Variants in USP15 observed in about 807,000 individuals in gnomAD.
USP15 encodes the protein ubiquitin carboxyl-terminal hydrolase 15.
Under a neutral mutation model 127.1 loss-of-function variants are expected in USP15, and 18 were observed. The observed-to-expected ratio is 0.14, with a 90% CI of 0.10 to 0.21. The LOEUF is 0.21. Ranked by LOEUF, USP15 falls within the 10% of genes least tolerant of loss-of-function variation. The pLI, the probability that USP15 is intolerant of heterozygous loss-of-function variation, is 1.00. For missense variants in USP15, 805 were observed against 1,159.9 expected (o/e 0.69, Z 4.44); for synonymous variants, 364 against 393.7 (o/e 0.92, Z 0.89).
chr12:62,403,680 G>C (rs1023366903), intron 21 of USP15, among the ~76,000 whole-genome samples: 5 of 151,944 alleles, frequency 3.3e-5, no homozygotes, highest in Admixed American at 1.3e-4. Flanking sequence ...AGGGACTTAT[G>C]ATAGGAAAAA....
At chr12:62,329,997 A>G (rs913220634) in intron 6 of USP15, among the ~76,000 whole-genome samples, 1 of 152,208 alleles carries the variant, frequency 6.6e-6, no homozygotes, top group African/African-American at 2.4e-5. Context: ...GCCTAGCTAA[A>G]TATCCATCAC....
intron 5 of USP15, among the ~76,000 whole-genome samples, chr12:62,322,942 G>A (rs1039798858): frequency 4.6e-5 from 7 of 152,108 alleles, no homozygotes; most frequent in South Asian, 2.1e-4. Context: ...TGATGTAAAC[G>A]TCTTTGGAGT....
chr12:62,327,213 G>C (rs1332613802), intron 6 of USP15, among the ~76,000 whole-genome samples: 1 of 133,076 alleles, frequency 7.5e-6, no homozygotes, highest in Non-Finnish European at 1.6e-5. Context: ...TATCTTACGT[G>C]AAATTTTTTT....
At chr12:62,286,100 AACAG>A (rs1200933307) in intron 1 of USP15, among the ~76,000 whole-genome samples, 18 of 152,276 alleles carry the variant, frequency 1.2e-4, no homozygotes, top group African/African-American at 4.1e-4. Context: ...GTTTAGAGTA[AACAG>A]ACAATCTACA....
At chr12:62,311,755 A>G (rs2064687609) in intron 3 of USP15, among the ~76,000 whole-genome samples, 1 of 151,820 alleles carries the variant, frequency 6.6e-6, no homozygotes, top group African/African-American at 2.4e-5. Flanking sequence ...TTACAAGAAT[A>G]GGAAAGATGG....
chr12:62,304,801 A>ACT lies in USP15; in HGVS notation c.348+1881_348+1882insCT, dbSNP rs1245999299. On this transcript the variant is annotated intron_variant, in intron 3 of 21. Coordinates refer to ENST00000280377, the MANE Select transcript of USP15 (RefSeq NM_001252078.2). ...AAGAAACCCAGGTAATTGAGTTAGTAGATTTTAGAATAGTGGGCTTATTAT... is the reference window on the plus strand; with the variant it reads ...AAGAAACCCAGGTAATTGAGTTAGTACTGATTTTAGAATAGTGGGCTTATTAT... 2.9e-4 allele frequency: 119 copies of ACT among 411,010 alleles called. 1 individual carries two copies. Among genetic ancestry groups the ACT allele is most frequent in the Admixed American group, 9.7e-4 (36 of 36,954 alleles). 25.5% of individuals were successfully genotyped at this position (411,010 alleles called of 1,614,324 possible). A position where few individuals can be genotyped will look rare whatever the true frequency, so the allele number is the denominator to read the frequency against.
intron 1 of USP15, among the ~76,000 whole-genome samples, chr12:62,289,472 T>G (rs1372279206): frequency 6.6e-6 from 1 of 152,098 alleles, no homozygotes; most frequent in African/African-American, 2.4e-5. Context: ...TATTTCCGAT[T>G]GTGTTTATTC....
At chr12:62,336,020 T>C in intron 6 of USP15, 1 of 984,382 alleles carries the variant, frequency 1.0e-6, no homozygotes. Flanking sequence ...TCATATCATA[T>C]GTAGTCTATG....
At chr12:62,270,045 C>A (rs1337749445) in intron 1 of USP15, among the ~76,000 whole-genome samples, 80 of 151,554 alleles carry the variant, frequency 5.3e-4, no homozygotes, top group Non-Finnish European at 2.5e-4. Flanking sequence ...CACTTATGTT[C>A]TTTTTTTTAA....
chr12:62,275,400 C>T (rs1351898340), intron 1 of USP15, among the ~76,000 whole-genome samples: 1 of 149,352 alleles, frequency 6.7e-6, no homozygotes, highest in African/African-American at 2.5e-5. Flanking sequence ...CACCCCCCCA[C>T]CCAAAAAAAA....
At position 62,405,584 on chromosome 12, in the gene USP15, TTGC is replaced by T. The variant is rs1367035245; in HGVS notation, c.*1214_*1216del. The T allele has an allele frequency of 6.5e-5, 10 of 152,708 alleles. No homozygotes were observed. The East Asian group carries it at 1.7e-3, about 27-fold the overall frequency. The allele number at this position is 152,708 out of a possible 1,614,324, so 9.5% of individuals were successfully genotyped here. On this transcript the variant is annotated 3_prime_UTR_variant, in exon 22 of 22. Coordinates refer to ENST00000280377, the MANE Select transcript of USP15 (RefSeq NM_001252078.2). ...GTGTGAACATTTGAAACATTTTTATTTGCTGCTTTTTCCCTTTGATATAGTTGA... is the reference window on the plus strand; with the variant it reads ...GTGTGAACATTTGAAACATTTTTATTTGCTTTTTCCCTTTGATATAGTTGA...
intron 21 of USP15, among the ~76,000 whole-genome samples, chr12:62,403,964 C>A (rs911723990): frequency 6.6e-6 from 1 of 151,946 alleles, no homozygotes; most frequent in Non-Finnish European, 1.5e-5. Context: ...GCATTTATTT[C>A]TTTGTCCAAA....
At chr12:62,299,350 A>T (rs551612624) in intron 2 of USP15, among the ~76,000 whole-genome samples, 204 of 152,238 alleles carry the variant, frequency 1.3e-3, no homozygotes, top group African/African-American at 4.7e-3. Flanking sequence ...ACCTCAGGTG[A>T]TCCATCCGCC....
At chr12:62,336,322 C>T (rs1338769353) in intron 6 of USP15, 3 of 985,218 alleles carry the variant, frequency 3.0e-6, no homozygotes, top group Middle Eastern at 5.2e-4. Flanking sequence ...TCTTTTTACC[C>T]CTCCTTCTCC....
chr12:62,317,271 G>A lies in USP15; in HGVS notation c.475+2355G>A, dbSNP rs577048594. On this transcript the variant is annotated intron_variant, in intron 4 of 21. Coordinates refer to ENST00000280377, the MANE Select transcript of USP15 (RefSeq NM_001252078.2). ...ATGGTTATAGTACAGGTTAACAGTT[G>A]TTGAATATTTACTATGTTTTAAGCA... Among the ~76,000 whole-genome samples the A allele has an allele frequency of 1.1e-4, 16 of 152,252 alleles. No individual in the cohort carries two copies. In the South Asian group the frequency reaches 3.3e-3, roughly 32 times the overall value.
intron 4 of USP15, among the ~76,000 whole-genome samples, chr12:62,316,901 T>C (rs570637090): frequency 6.6e-6 from 1 of 152,266 alleles, no homozygotes; most frequent in East Asian, 1.9e-4. Flanking sequence ...AATCAACATA[T>C]ATACTAATAC....
chr12:62,383,884 G>A lies in USP15; in HGVS notation c.1134G>A (p.Gln378=). Residue 378 remains glutamine, a synonymous_variant, in exon 10 of 22, where the codon CAG becomes CAA. Coordinates refer to ENST00000280377, the MANE Select transcript of USP15 (RefSeq NM_001252078.2). ...CACCTCAGTTCTCTGGATATCAGCAGCAAGACTGTCAAGAACTGTTAGCTT... is the reference window on the plus strand; with the variant it reads ...CACCTCAGTTCTCTGGATATCAGCAACAAGACTGTCAAGAACTGTTAGCTT... ...RFAPQFSGYQ[Q]QDCQELLAFL... is the part of the protein sequence containing the mutation. The A allele has an allele frequency of 6.2e-7, 1 of 1,612,906 alleles. No homozygotes were observed. The highest frequency in any genetic ancestry group is 1.3e-5 in the African/African-American group (1 of 74,984).
At chr12:62,363,162 T>C (rs748727478) in intron 8 of USP15, among the ~76,000 whole-genome samples, 1 of 152,216 alleles carries the variant, frequency 6.6e-6, no homozygotes, top group Non-Finnish European at 1.5e-5. Flanking sequence ...GTCTGCTAGC[T>C]GGTTTCTTTG....
intron 1 of USP15, among the ~76,000 whole-genome samples, chr12:62,265,347 G>A (rs1229243374): frequency 3.3e-5 from 5 of 152,146 alleles, no homozygotes; most frequent in Non-Finnish European, 7.3e-5. Flanking sequence ...GCCAGGTACT[G>A]TTATAAATGC....
Sources: gnomAD v4.1 joint callset for allele counts (sites outside exome capture counted in the v4.1 genomes callset) on GRCh38, gnomAD v4.1.1 for gene constraint, MANE v1.5 for transcripts, NCBI Gene and HGNC (gene_info 2026-07-23, HGNC 2026-07-21) for gene names.